The following PRR5 variants were observed in gnomAD, a reference collection of about 807,000 sequenced individuals.
The protein encoded by PRR5 is proline-rich protein 5.
A neutral mutation model predicts 30.6 loss-of-function variants in PRR5; 25 were observed. The observed-to-expected ratio is 0.82, with a 90% CI of 0.60 to 1.14. The LOEUF (loss-of-function observed/expected upper bound fraction) is 1.14. PRR5 is among the 50% of genes most tolerant of loss of function. The probability of loss-of-function intolerance (pLI) is 0.00; values close to 1 mark genes in which losing one functional copy is unlikely to be tolerated. For missense variants in PRR5, 600 were observed against 547.1 expected (o/e 1.10, Z -0.96); for synonymous variants, 286 against 247.1 (o/e 1.16, Z -1.48).
At position 44,732,832 on chromosome 22, in the gene PRR5, T is replaced by C. The variant is rs1922341769; in HGVS notation, c.555+441T>C. ...TACACACTACACGTGTGCACGCACA[T>C]ACTACACACGTGCACACACGTGCAC... On this transcript the variant is annotated intron_variant, in intron 6 of 7. Coordinates refer to ENST00000336985, the MANE Select transcript of PRR5 (RefSeq NM_181333.4). 9.4e-5 allele frequency among the ~76,000 whole-genome samples: 3 copies of C among 31,964 alleles called. 1 individual carries two copies. The East Asian group carries it at 1.6e-3, about 18-fold the overall frequency. 21.0% of individuals were successfully genotyped at this position (31,964 alleles called of 152,430 possible).
chr22:44,693,303 A>G (rs374371803), intron 1 of PRR5, among the ~76,000 whole-genome samples: 1 of 152,108 alleles, frequency 6.6e-6, no homozygotes, highest in African/African-American at 2.4e-5. Flanking sequence ...GTCTCTACCA[A>G]AAATACAAAC....
At chr22:44,676,805 G>C (rs558886135), upstream of PRR5, 1 of 152,262 alleles carries the variant, frequency 6.6e-6, no homozygotes, top group Non-Finnish European at 1.5e-5. Context: ...CCTTCTGTCC[G>C]GGCAGGAAGG....
chr22:44,670,570 C>T (rs1923366001), intron 1 of PRR5, among the ~76,000 whole-genome samples: 1 of 152,226 alleles, frequency 6.6e-6, no homozygotes, highest in African/African-American at 2.4e-5. Context: ...GGTGGATCGG[C>T]CGTGAGAAGG....
At chr22:44,730,048 T>C (rs1254803632) in intron 4 of PRR5, 55 of 985,318 alleles carry the variant, frequency 5.6e-5, no homozygotes, top group Non-Finnish European at 6.5e-5. Flanking sequence ...GGCTGGCCAC[T>C]GGGCTGGGAG....
chr22:44,734,757 C>T (rs1248247356), intron 6 of PRR5: 2 of 536,212 alleles, frequency 3.7e-6, no homozygotes, highest in African/African-American at 1.9e-5. Context: ...GCAGAACACC[C>T]ATCTCATCTG....
At chr22:44,695,604 T>C (rs1925674910) in intron 1 of PRR5, among the ~76,000 whole-genome samples, 1 of 152,184 alleles carries the variant, frequency 6.6e-6, no homozygotes, top group Non-Finnish European at 1.5e-5. Context: ...TTTTTGTTTT[T>C]GTTTTTGTTT....
chr22:44,683,561 C>T (rs947042477), intron 1 of PRR5, among the ~76,000 whole-genome samples: 27 of 152,350 alleles, frequency 1.8e-4, no homozygotes, highest in Non-Finnish European at 5.9e-5. Flanking sequence ...CCACGCCCAG[C>T]ACCCCGAAGG....
At chr22:44,686,666 C>T (rs757064980) in intron 1 of PRR5, among the ~76,000 whole-genome samples, 2 of 152,178 alleles carry the variant, frequency 1.3e-5, no homozygotes, top group Non-Finnish European at 2.9e-5. Flanking sequence ...CAGGTGTACA[C>T]CACCACGCCC....
chr22:44,735,544 G>A (rs536761665), intron 7 of PRR5, among the ~76,000 whole-genome samples: 1 of 152,308 alleles, frequency 6.6e-6, no homozygotes, highest in African/African-American at 2.4e-5. Flanking sequence ...GCCTGGGGGT[G>A]GGCAGGCTGA....
At chr22:44,697,512 G>A (rs898781959), upstream of PRR5, among the ~76,000 whole-genome samples, 10 of 152,228 alleles carry the variant, frequency 6.6e-5, no homozygotes, top group African/African-American at 1.7e-4. Context: ...CAGGGTGTCC[G>A]GGACTGACCA....
In PRR5 at chr22:44,682,835, C is replaced by A. The variant is rs997156523; in HGVS notation, c.-11+5595C>A. 2.0e-5 allele frequency among the ~76,000 whole-genome samples: 3 copies of A among 152,288 alleles called. No homozygotes were observed. The South Asian group carries it at 6.2e-4, about 32-fold the overall frequency. ...CAGGGCCGCCCAAGGCCTCTCTGAG[C>A]CCACTAGGGAATGTGCCCACTGTAG... On this transcript the variant is annotated intron_variant, in intron 1 of 8. Coordinates refer to the PRR5 transcript ENST00000006251.
In PRR5 at chr22:44,714,598, A is replaced by G; in HGVS notation, c.142A>G (p.Asn48Asp). 6.2e-7 allele frequency: 1 copy of G among 1,613,246 alleles called. No homozygotes were observed. Among genetic ancestry groups the G allele is most frequent in the Non-Finnish European group, 8.5e-7 (1 of 1,179,974 alleles). Residue 48 changes from asparagine (N) to aspartate (D), a missense_variant, in exon 2 of 8, where the codon AAC becomes GAC. Coordinates refer to ENST00000336985, the MANE Select transcript of PRR5 (RefSeq NM_181333.4). Reference sequence around the variant, plus strand: ...TCTTCCCTCTGCCCCCAGCATCCACAACGGGGTGATCGCCGTCTTCCAGCG... The same window carrying G: ...TCTTCCCTCTGCCCCCAGCATCCACGACGGGGTGATCGCCGTCTTCCAGCG... ...CANATWNSIH[N>D]GVIAVFQRKG... is the part of the protein sequence containing the mutation.
intron 2 of PRR5, among the ~76,000 whole-genome samples, chr22:44,719,848 G>A (rs1027426217): frequency 7.9e-5 from 12 of 152,320 alleles, no homozygotes; most frequent in Non-Finnish European, 1.2e-4. Flanking sequence ...AAGTCCTGCT[G>A]GCCTAGCTGC....
intron 4 of PRR5, chr22:44,729,476 C>T (rs547048892): frequency 8.1e-6 from 8 of 985,598 alleles, no homozygotes; most frequent in East Asian, 2.3e-4. Context: ...AGCCAAGGTA[C>T]GGCGCGCACA....
At chr22:44,729,336 C>A in intron 4 of PRR5, 3 of 984,342 alleles carry the variant, frequency 3.0e-6, no homozygotes, top group Non-Finnish European at 3.6e-6. Context: ...GCCCTCAGCA[C>A]TCGGATAAAG....
intron 3 of PRR5, 114 bp from the exon 4 acceptor site, chr22:44,726,463 T>TC: frequency 6.8e-7 from 1 of 1,479,466 alleles, no homozygotes; most frequent in Non-Finnish European, 9.2e-7. Context: ...GTGAGTCTCC[T>TC]CCCCCTTTAA....
chr22:44,702,529 G>A lies in PRR5; in HGVS notation c.55G>A (p.Gly19Ser), dbSNP rs768460465. 5.4e-5 allele frequency: 79 copies of A among 1,465,476 alleles called. No homozygotes were observed. The highest frequency in any genetic ancestry group is 6.6e-5 in the Non-Finnish European group (73 of 1,107,110). The allele number at this position is 1,465,476 out of a possible 1,614,324, so 90.8% of individuals were successfully genotyped here. ...FMSSPSLSDL[G>S]KREPAAAADE... is the part of the protein sequence containing the mutation. The stretch of plus-strand genomic sequence containing the variant: ...GAGTTCGCCCAGCCTCAGTGACCTG[G>A]GCAAGAGAGAGCCGGCCGCCGCCGC... Residue 19 changes from glycine to serine, a missense_variant, in exon 1 of 8, where the codon GGC becomes AGC. Coordinates refer to ENST00000336985, the MANE Select transcript of PRR5 (RefSeq NM_181333.4).
At position 44,716,032 on chromosome 22, in the gene PRR5, C is replaced by G. The variant is rs919212286; in HGVS notation, c.215+1361C>G. 9.9e-5 allele frequency among the ~76,000 whole-genome samples: 15 copies of G among 152,210 alleles called. No homozygotes were observed. The East Asian group carries it at 2.7e-3, about 27-fold the overall frequency. On this transcript the variant is annotated intron_variant, in intron 2 of 7. Transcript: ENST00000336985. ...AGGCACAGTCCCCAGCTTTGGACAT[C>G]CTTCTCCCCTGCCCTCCTTGGTGTG...
chr22:44,694,792 C>T (rs563305443), intron 1 of PRR5, among the ~76,000 whole-genome samples: 96 of 152,150 alleles, frequency 6.3e-4, no homozygotes, highest in Admixed American at 1.5e-3. Context: ...TGCTCACTAA[C>T]CCCAGGAGGA....
Sources: gnomAD v4.1 joint callset for allele counts (sites outside exome capture counted in the v4.1 genomes callset) on GRCh38, gnomAD v4.1.1 for gene constraint, MANE v1.5 for transcripts, NCBI Gene and HGNC (gene_info 2026-07-23, HGNC 2026-07-21) for gene names.